Variants in CREG2 observed in about 807,000 individuals in gnomAD.
The protein encoded by CREG2 is cellular repressor of E1A stimulated genes 2.
In CREG2, 24 loss-of-function variants were observed where a neutral mutation model predicts 26.2. The ratio of observed to expected loss-of-function variants is 0.92; its 90% CI spans 0.66 to 1.29. CREG2 has a LOEUF of 1.29. Ranked by LOEUF, CREG2 falls within the 50% of genes most tolerant of loss-of-function variation. The probability of loss-of-function intolerance (pLI) is 0.00; values close to 1 mark genes in which losing one functional copy is unlikely to be tolerated. For synonymous variants in CREG2, 174 were observed against 169.2 expected (o/e 1.03, Z -0.22); for missense variants, 366 against 398.6 (o/e 0.92, Z 0.70).
intron 2 of CREG2, among the ~76,000 whole-genome samples, chr2:101,370,253 T>C (rs1377338194): frequency 6.6e-6 from 1 of 152,222 alleles, no homozygotes; most frequent in Non-Finnish European, 1.5e-5. Flanking sequence ...CCTCCCTTTA[T>C]ACATAGGAGG....
chr2:101,383,578 G>A lies in CREG2; in HGVS notation c.566C>T (p.Pro189Leu). 6.2e-7 allele frequency: 1 copy of A among 1,614,130 alleles called. No individual in the cohort carries two copies. Among genetic ancestry groups the A allele is most frequent in the Non-Finnish European group, 8.5e-7 (1 of 1,180,028 alleles). The change falls in exon 2 of 4, where the codon CCC (proline) becomes CTC (leucine). Residue 189 changes from proline to leucine, a missense_variant. Transcript: ENST00000324768. ...TTCTGGCAGCATCAGCGAGGCCATG[G>A]GGTTCTTCATCAGATCAGCCACCAC... ...DPVVADLMKN[P>L]MASLMLPESE...
chr2:101,368,024 C>T (rs1684645243), intron 2 of CREG2, among the ~76,000 whole-genome samples: 1 of 152,202 alleles, frequency 6.6e-6, no homozygotes, highest in Non-Finnish European at 1.5e-5. Flanking sequence ...CACGGTGGCT[C>T]AGGCCTATAA....
rs972050031 is a variant in CREG2 at position 101,346,425 on chromosome 2, C to T, written c.*4498G>A. ...CTTGGATACTTATATACACCTATAG[C>T]TTACTCAACGTGTTTATATCAGAAA... On this transcript the variant is annotated 3_prime_UTR_variant, in exon 4 of 4. Coordinates refer to ENST00000324768, the MANE Select transcript of CREG2 (RefSeq NM_153836.4). 6.6e-6 allele frequency: 1 copy of T among 152,170 alleles called. No individual in the cohort carries two copies. Among genetic ancestry groups the T allele is most frequent in the Non-Finnish European group, 1.5e-5 (1 of 68,030 alleles). 9.4% of individuals were successfully genotyped at this position (152,170 alleles called of 1,614,324 possible).
In CREG2 at chr2:101,345,839, T is replaced by C. The variant is rs1262791901; in HGVS notation, c.*5084A>G. The C allele has an allele frequency of 1.3e-5, 2 of 151,958 alleles. No individual in the cohort carries two copies. The allele number at this position is 151,958 out of a possible 1,614,324, so 9.4% of individuals were successfully genotyped here. ...TGGAAAAATTGTAGAAATACCTTTT[T>C]TTTTTTTTAAGAGACAAAGTCTCAC... On this transcript the variant is annotated 3_prime_UTR_variant, in exon 4 of 4. Coordinates refer to ENST00000324768, the MANE Select transcript of CREG2 (RefSeq NM_153836.4).
At chr2:101,368,284 T>C (rs1684649456) in intron 2 of CREG2, among the ~76,000 whole-genome samples, 1 of 136,046 alleles carries the variant, frequency 7.4e-6, no homozygotes, top group Non-Finnish European at 1.5e-5. Context: ...TGAGACTCCA[T>C]CTCAAAAAAA....
In CREG2 at chr2:101,347,293, G is replaced by A. The variant is rs1212828012; in HGVS notation, c.*3630C>T. ...AACTGATATGAACATTCATGCACAA[G>A]TTTTTGTGTGAACCTCTTTTCATTT... On this transcript the variant is annotated 3_prime_UTR_variant, in exon 4 of 4. Transcript: ENST00000324768. 2 of 152,198 alleles carry A rather than the reference G, an allele frequency of 1.3e-5. No homozygotes were observed. Among genetic ancestry groups the A allele is most frequent in the Non-Finnish European group, 2.9e-5 (2 of 68,032 alleles). The allele number at this position is 152,198 out of a possible 1,614,324, so 9.4% of individuals were successfully genotyped here. A position where few individuals can be genotyped will look rare whatever the true frequency, so the allele number is the denominator to read the frequency against.
intron 2 of CREG2, among the ~76,000 whole-genome samples, chr2:101,377,389 C>T (rs550681705): frequency 3.9e-5 from 6 of 152,274 alleles, no homozygotes; most frequent in African/African-American, 1.4e-4. Flanking sequence ...CGAGTCCTCC[C>T]CGGTCCCAAA....
intron 3 of CREG2, among the ~76,000 whole-genome samples, chr2:101,352,152 A>T (rs1306362830): frequency 6.6e-6 from 1 of 152,028 alleles, no homozygotes; most frequent in Non-Finnish European, 1.5e-5. Context: ...AAAGTGCTGG[A>T]ATTATAGGTG....
At chr2:101,380,445 C>CG (rs1684854864) in intron 2 of CREG2, among the ~76,000 whole-genome samples, 1 of 152,230 alleles carries the variant, frequency 6.6e-6, no homozygotes, top group African/African-American at 2.4e-5. Context: ...TAGGAAACGG[C>CG]CGCGAAGGCA....
chr2:101,357,955 C>T (rs1411787674), intron 2 of CREG2, among the ~76,000 whole-genome samples: 4 of 135,970 alleles, frequency 2.9e-5, no homozygotes, highest in South Asian at 2.6e-4. Context: ...CCAGCCTGGG[C>T]GACAGAGCGA....
chr2:101,382,592 GAA>G, intron 2 of CREG2: 1 of 985,444 alleles, frequency 1.0e-6, no homozygotes, highest in Non-Finnish European at 1.2e-6. Context: ...AGGGTCAGCT[GAA>G]GTGTCTCCAT....
Position 101,379,546 on chromosome 2 carries a change from G to C in CREG2, c.611+3987C>G, listed in dbSNP as rs142665831. 1.2e-4 allele frequency among the ~76,000 whole-genome samples: 19 copies of C among 152,264 alleles called. No individual in the cohort carries two copies. In the East Asian group the frequency reaches 3.1e-3, roughly 25 times the overall value. Reference sequence around the variant, plus strand: ...ATCTTTAAGACACAGGCCTGTTAATGGATCTAAATATCATTTTTGAGTGAC... The same window carrying C: ...ATCTTTAAGACACAGGCCTGTTAATCGATCTAAATATCATTTTTGAGTGAC... On this transcript the variant is annotated intron_variant, in intron 2 of 3. Coordinates refer to ENST00000324768, the MANE Select transcript of CREG2 (RefSeq NM_153836.4).
chr2:101,386,712 G>T (rs922639041), intron 1 of CREG2, among the ~76,000 whole-genome samples: 15 of 152,102 alleles, frequency 9.9e-5, no homozygotes, highest in African/African-American at 3.6e-4. Context: ...CTAGGTCTCG[G>T]TCGGACGCTG....
chr2:101,368,172 C>T (rs1163234933), intron 2 of CREG2, among the ~76,000 whole-genome samples: 1 of 151,754 alleles, frequency 6.6e-6, no homozygotes, highest in Non-Finnish European at 1.5e-5. Context: ...CCTGTGTTCC[C>T]AGCTACTTGG....
In CREG2 at chr2:101,360,018, T is replaced by C. The variant is rs576054216; in HGVS notation, c.612-4652A>G. ...TGCTGATAATGGAATTGACATTCAA[T>C]TGCAAGCTTATCTTCCCAGGTGCAG... On this transcript the variant is annotated intron_variant, in intron 2 of 3. Transcript: ENST00000324768. Among the ~76,000 whole-genome samples the C allele has an allele frequency of 2.0e-5, 3 of 152,330 alleles. No individual in the cohort carries two copies. In the South Asian group the frequency reaches 6.2e-4, roughly 32 times the overall value.
At chr2:101,367,873 G>C (rs1573309405) in intron 2 of CREG2, among the ~76,000 whole-genome samples, 1 of 152,230 alleles carries the variant, frequency 6.6e-6, no homozygotes, top group East Asian at 1.9e-4. Flanking sequence ...GCGGCCTCTA[G>C]GAGCTGAAAA....
rs549896149 is a variant in CREG2, at chr2:101,345,822, T to G, written c.*5101A>C. ...AATAAATACAGACTTTTTGGAAAAATTGTAGAAATACCTTTTTTTTTTTTT... is the reference window on the plus strand; with the variant it reads ...AATAAATACAGACTTTTTGGAAAAAGTGTAGAAATACCTTTTTTTTTTTTT... On this transcript the variant is annotated 3_prime_UTR_variant, in exon 4 of 4. Coordinates refer to ENST00000324768, the MANE Select transcript of CREG2 (RefSeq NM_153836.4). 6.6e-6 allele frequency: 1 copy of G among 150,904 alleles called. No individual in the cohort carries two copies. The highest frequency in any genetic ancestry group is 2.1e-4 in the South Asian group (1 of 4,766). The allele number at this position is 150,904 out of a possible 1,614,324, so 9.3% of individuals were successfully genotyped here.
chr2:101,355,403 G>A (rs1401510319), intron 2 of CREG2, 37 bp from the exon 3 acceptor site: 1 of 1,316,522 alleles, frequency 7.6e-7, no homozygotes, highest in African/African-American at 1.4e-5. Context: ...ATCAGAACAA[G>A]GACAGAACAT....
chr2:101,358,751 G>GGCAAGTTTTAGAGCAGGA (rs1478473617), intron 2 of CREG2, among the ~76,000 whole-genome samples: 23 of 110,496 alleles, frequency 2.1e-4, no homozygotes, highest in East Asian at 5.9e-4. Flanking sequence ...TGAGAACTGA[G>GGCAAGTTTTAGAGCAGGA]GTGGCCGGGC....
Sources: allele counts gnomAD v4.1 joint callset (sites outside exome capture counted in the v4.1 genomes callset), GRCh38; gene constraint gnomAD v4.1.1; transcripts MANE v1.5; gene names NCBI Gene and HGNC (gene_info 2026-07-23, HGNC 2026-07-21).